The following SBF2 variants were observed in gnomAD, a reference collection of about 807,000 sequenced individuals.
SBF2 encodes the protein SET binding factor 2.
Under a neutral mutation model 225.2 loss-of-function variants are expected in SBF2, and 112 were observed. That is an observed-to-expected ratio of 0.50 (90% CI 0.43 to 0.58). SBF2 has a LOEUF of 0.58. SBF2 is among the 20% of genes least tolerant of loss of function. The probability of loss-of-function intolerance (pLI) is 0.00; values close to 1 mark genes in which losing one functional copy is unlikely to be tolerated. For synonymous variants in SBF2, 763 were observed against 773.3 expected, an observed-to-expected ratio of 0.99 and a Z score of 0.22; for missense variants, 1,996 against 2,206.2, an observed-to-expected ratio of 0.90 and a Z score of 1.91.
chr11:9,851,670 G>C (rs1255549405), intron 21 of SBF2, among the ~76,000 whole-genome samples: 1 of 152,194 alleles, frequency 6.6e-6, no homozygotes, highest in Non-Finnish European at 1.5e-5. Context: ...TAAATGTAAA[G>C]CCAAAGTATA....
intron 2 of SBF2, among the ~76,000 whole-genome samples, chr11:10,140,183 TAAA>T (rs1565276417): frequency 6.6e-6 from 1 of 152,178 alleles, no homozygotes; most frequent in Non-Finnish European, 1.5e-5. Context: ...ACACAGCTCC[TAAA>T]ACCTCTGGAA....
intron 2 of SBF2, among the ~76,000 whole-genome samples, chr11:10,100,630 T>C (rs1281693636): frequency 6.6e-6 from 1 of 152,164 alleles, no homozygotes; most frequent in Admixed American, 6.5e-5. Flanking sequence ...GTAGCCCCAC[T>C]ATGAGGTATC....
chr11:9,919,131 G>C (rs1022121386), intron 16 of SBF2, among the ~76,000 whole-genome samples: 1 of 151,990 alleles, frequency 6.6e-6, no homozygotes, highest in South Asian at 2.1e-4. Context: ...CCCAGAATTA[G>C]GTCATTCTTC....
At chr11:9,808,418 A>G (rs1853974627) in intron 31 of SBF2, 1 of 570,134 alleles carries the variant, frequency 1.8e-6, no homozygotes. Flanking sequence ...TTGAGACTTT[A>G]ATCCTTAACT....
intron 2 of SBF2, among the ~76,000 whole-genome samples, chr11:10,084,464 C>T (rs1282514711): frequency 1.3e-5 from 2 of 152,124 alleles, no homozygotes; most frequent in African/African-American, 4.8e-5. Context: ...AAAGAGAATG[C>T]TTATACACTG....
At chr11:10,097,479 A>G (rs1024129993) in intron 2 of SBF2, among the ~76,000 whole-genome samples, 1 of 152,226 alleles carries the variant, frequency 6.6e-6, no homozygotes, top group Admixed American at 6.5e-5. Flanking sequence ...TCAGGCAGAG[A>G]CCACGAAACA....
chr11:9,967,971 C>CTCTCTCTCTA (rs1260685462), intron 14 of SBF2, among the ~76,000 whole-genome samples: 11 of 91,506 alleles, frequency 1.2e-4, no homozygotes, highest in African/African-American at 3.8e-4. Context: ...CTCTCTCTCT[C>CTCTCTCTCTA]TATATATATA....
At chr11:9,938,160 G>A (rs986795694) in intron 16 of SBF2, among the ~76,000 whole-genome samples, 19 of 151,920 alleles carry the variant, frequency 1.3e-4, no homozygotes, top group African/African-American at 3.4e-4. Flanking sequence ...GCGTGGTGGC[G>A]GGCGCCTCTA....
intron 14 of SBF2, among the ~76,000 whole-genome samples, chr11:9,967,947 G>GTCTGTCTGTCTCTCTC (rs57976016): frequency 2.1e-4 from 21 of 100,250 alleles, no homozygotes; most frequent in African/African-American, 6.9e-4. Context: ...CTGTCTGTCT[G>GTCTGTCTGTCTCTCTC]TCTCTCTCTC....
At chr11:10,050,803 G>C (rs1950033291) in intron 2 of SBF2, among the ~76,000 whole-genome samples, 1 of 152,142 alleles carries the variant, frequency 6.6e-6, no homozygotes, top group Admixed American at 6.5e-5. Context: ...GCATATCCCA[G>C]GTGGGATGGT....
At position 9,817,043 on chromosome 11, in the gene SBF2, C is replaced by T. The variant is rs779377326; in HGVS notation, c.3794-19G>A. 5 of 1,613,290 alleles carry T rather than the reference C, an allele frequency of 3.1e-6. No individual in the cohort carries two copies. The highest frequency in any genetic ancestry group is 4.2e-6 in the Non-Finnish European group (5 of 1,179,828). ...CACACACCTTCACAAAAGCCAAAGTCGTGGAGTGAGATAATCTAATGTGGG... is the reference window on the plus strand; with the variant it reads ...CACACACCTTCACAAAAGCCAAAGTTGTGGAGTGAGATAATCTAATGTGGG... On this transcript the variant is annotated intron_variant, in intron 28 of 39. Transcript: ENST00000256190.
chr11:10,053,977 G>T (rs1402822974), intron 2 of SBF2, among the ~76,000 whole-genome samples: 1 of 151,828 alleles, frequency 6.6e-6, no homozygotes, highest in African/African-American at 2.4e-5. Flanking sequence ...CTTTGGAAGA[G>T]AAGTCAATTT....
intron 16 of SBF2, among the ~76,000 whole-genome samples, chr11:9,897,456 G>A (rs987811541): frequency 2.0e-5 from 3 of 151,908 alleles, no homozygotes; most frequent in East Asian, 3.9e-4. Flanking sequence ...CAAGTGATCC[G>A]CCTGTCTCAG....
chr11:10,132,191 G>A (rs1321927344), intron 2 of SBF2, among the ~76,000 whole-genome samples: 1 of 152,020 alleles, frequency 6.6e-6, no homozygotes, highest in African/African-American at 2.4e-5. Flanking sequence ...GCTATTTCTG[G>A]GTTTGCTGTT....
chr11:10,087,902 CT>C (rs1298968054), intron 2 of SBF2, among the ~76,000 whole-genome samples: 1 of 152,128 alleles, frequency 6.6e-6, no homozygotes, highest in Non-Finnish European at 1.5e-5. Flanking sequence ...TGATTCCTGG[CT>C]GCCAAAGAAT....
chr11:10,101,932 C>A (rs1952326039), intron 2 of SBF2, among the ~76,000 whole-genome samples: 1 of 151,934 alleles, frequency 6.6e-6, no homozygotes, highest in Non-Finnish European at 1.5e-5. Context: ...TGCTAGGGGT[C>A]CCTGAAACCA....
chr11:9,906,195 G>C (rs1458615281), intron 16 of SBF2, among the ~76,000 whole-genome samples: 1 of 152,166 alleles, frequency 6.6e-6, no homozygotes, highest in East Asian at 1.9e-4. Context: ...ACTGTCATGA[G>C]GCCCAAGGCA....
rs558795883 is a variant in SBF2 at position 10,227,398 on chromosome 11, T to C, written c.56-33411A>G. ...GTTTTAGACATGAAGTCCTTGCCCA[T>C]GCCTATGTCCTGAATGGTATTGCCT... On this transcript the variant is annotated intron_variant, in intron 1 of 39. Transcript: ENST00000256190. 4.0e-3 allele frequency among the ~76,000 whole-genome samples: 606 copies of C among 152,306 alleles called. 3 individuals are homozygous for C. Among genetic ancestry groups the C allele is most frequent in the Middle Eastern group, 0.027 (8 of 294 alleles).
intron 2 of SBF2, among the ~76,000 whole-genome samples, chr11:10,125,996 T>C (rs1385481261): frequency 6.6e-6 from 1 of 152,186 alleles, no homozygotes; most frequent in African/African-American, 2.4e-5. Flanking sequence ...TATTGGGAGG[T>C]ACATTCTATC....
Sources: gnomAD v4.1 joint callset for allele counts (sites outside exome capture counted in the v4.1 genomes callset) on GRCh38, gnomAD v4.1.1 for gene constraint, MANE v1.5 for transcripts, NCBI Gene and HGNC (gene_info 2026-07-23, HGNC 2026-07-21) for gene names.